Variants in SUZ12 observed in about 807,000 individuals in gnomAD.
SUZ12 encodes the protein SUZ12 polycomb repressive complex 2 subunit, also known as polycomb protein SUZ12.
Under a neutral mutation model 87.3 loss-of-function variants are expected in SUZ12, and 17 were observed. The ratio of observed to expected loss-of-function variants is 0.19; its 90% CI spans 0.13 to 0.29. SUZ12 has a LOEUF of 0.29. SUZ12 is among the 10% of genes least tolerant of loss of function. The probability of loss-of-function intolerance (pLI) is 1.00; values close to 1 mark genes in which losing one functional copy is unlikely to be tolerated. For synonymous variants in SUZ12, 253 were observed against 312.4 expected, an observed-to-expected ratio of 0.81 and a Z score of 2.01; for missense variants, 526 against 912.2, an observed-to-expected ratio of 0.58 and a Z score of 5.45.
At chr17:31,961,692 T>A (rs9906490) in intron 4 of SUZ12, among the ~76,000 whole-genome samples, 7,449 of 152,296 alleles carry the variant, frequency 0.049, 588 homozygotes, top group African/African-American at 0.17. Flanking sequence ...AGTCTCAATT[T>A]CTTGAGTTGT....
At chr17:31,959,532 G>A (rs1907572234) in intron 4 of SUZ12, among the ~76,000 whole-genome samples, 1 of 152,140 alleles carries the variant, frequency 6.6e-6, no homozygotes, top group South Asian at 2.1e-4. Context: ...ACATATCATA[G>A]GATGAAATGT....
chr17:31,962,872 A>G (rs1286192455), intron 4 of SUZ12, among the ~76,000 whole-genome samples: 1 of 152,208 alleles, frequency 6.6e-6, no homozygotes, highest in South Asian at 2.1e-4. Context: ...TGGTCTTAGT[A>G]TGTAGTTTTA....
Position 32,000,630 on chromosome 17 carries a change from T to C in SUZ12, c.*1627T>C, listed in dbSNP as rs1910207881. ...TTAATTTGCTAAAGCTGTGCACATA[T>C]GTAAAAAAAAAAAAAAAAAGATTAT... On this transcript the variant is annotated 3_prime_UTR_variant, in exon 16 of 16. Coordinates refer to ENST00000322652, the MANE Select transcript of SUZ12 (RefSeq NM_015355.4). 4.5e-6 allele frequency: 1 copy of C among 223,774 alleles called. No individual in the cohort carries two copies. Among genetic ancestry groups the C allele is most frequent in the Non-Finnish European group, 8.7e-6 (1 of 115,602 alleles). The allele number at this position is 223,774 out of a possible 1,614,324, so 13.9% of individuals were successfully genotyped here.
chr17:31,956,304 T>C (rs1015648651), intron 4 of SUZ12, among the ~76,000 whole-genome samples: 8 of 151,448 alleles, frequency 5.3e-5, no homozygotes, highest in South Asian at 4.2e-4. Flanking sequence ...AGCAATTTTC[T>C]TGCCTCAGCC....
intron 15 of SUZ12, 105 bp downstream of exon 15, chr17:31,996,982 C>T (rs753359595): frequency 6.4e-6 from 5 of 785,828 alleles, no homozygotes; most frequent in Non-Finnish European, 8.9e-6. Context: ...TTTAAAATTC[C>T]ATTAATGTAT....
intron 3 of SUZ12, 71 bp from the exon 4 acceptor site, chr17:31,947,546 T>G (rs1373216986): frequency 5.9e-6 from 9 of 1,528,016 alleles, no homozygotes; most frequent in Non-Finnish European, 6.2e-6. Flanking sequence ...CCTATTAGAG[T>G]GACAATAAAG....
At chr17:31,951,775 CTT>C (rs61047916) in intron 4 of SUZ12, among the ~76,000 whole-genome samples, 1,233 of 114,234 alleles carry the variant, frequency 0.011, 21 homozygotes, top group African/African-American at 0.038. Flanking sequence ...CGCGCCCAGC[CTT>C]TTTTTTTTTT....
chr17:31,961,728 C>A (rs1456907329), intron 4 of SUZ12, among the ~76,000 whole-genome samples: 3 of 152,094 alleles, frequency 2.0e-5, no homozygotes, highest in Non-Finnish European at 2.9e-5. Flanking sequence ...TTCTTAATGA[C>A]CTCAGTTTGT....
intron 10 of SUZ12, among the ~76,000 whole-genome samples, chr17:31,988,961 A>T (rs1373753232): frequency 1.3e-5 from 2 of 151,630 alleles, no homozygotes; most frequent in Non-Finnish European, 2.9e-5. Context: ...AGTCCCAGCT[A>T]CTTGGGAGGC....
chr17:31,939,818 G>A (rs1008722079), intron 1 of SUZ12, among the ~76,000 whole-genome samples: 2 of 152,110 alleles, frequency 1.3e-5, no homozygotes, highest in Non-Finnish European at 2.9e-5. Context: ...GAGCCACTGC[G>A]CCTGGCCGGC....
At chr17:31,955,944 C>T (rs1211262521) in intron 4 of SUZ12, among the ~76,000 whole-genome samples, 1 of 151,742 alleles carries the variant, frequency 6.6e-6, no homozygotes, top group Non-Finnish European at 1.5e-5. Flanking sequence ...TGGAGTCTCG[C>T]TCTGTCGCCC....
At chr17:31,981,212 G>A (rs867750012) in intron 8 of SUZ12, among the ~76,000 whole-genome samples, 7 of 152,160 alleles carry the variant, frequency 4.6e-5, no homozygotes, top group African/African-American at 1.7e-4. Context: ...TTGTCTTTCA[G>A]GTAGATGTCT....
At chr17:31,984,476 A>G (rs1909294980) in intron 9 of SUZ12, among the ~76,000 whole-genome samples, 2 of 152,200 alleles carry the variant, frequency 1.3e-5, no homozygotes, top group Admixed American at 1.3e-4. Flanking sequence ...GATGATTGAA[A>G]AGTAAGAAAG....
chr17:31,951,436 G>A (rs992400368), intron 4 of SUZ12, among the ~76,000 whole-genome samples: 1 of 151,832 alleles, frequency 6.6e-6, no homozygotes, highest in Non-Finnish European at 1.5e-5. Context: ...ACTTGTTGGT[G>A]GAAGGAGGTG....
At chr17:31,995,067 G>T (rs1046085237) in intron 13 of SUZ12, among the ~76,000 whole-genome samples, 1 of 152,192 alleles carries the variant, frequency 6.6e-6, no homozygotes, top group Non-Finnish European at 1.5e-5. Context: ...TTGCACTCCG[G>T]CCTGGGCAAC....
intron 4 of SUZ12, among the ~76,000 whole-genome samples, chr17:31,951,801 G>A (rs1907001876): frequency 7.0e-6 from 1 of 143,784 alleles, no homozygotes; most frequent in Non-Finnish European, 1.5e-5. Context: ...TTGAGACAGA[G>A]TCTCACATTG....
At chr17:31,979,103 C>CAAAAAAAAAAAA (rs61307349) in intron 8 of SUZ12, among the ~76,000 whole-genome samples, 4 of 65,260 alleles carry the variant, frequency 6.1e-5, no homozygotes, top group African/African-American at 1.8e-4. Flanking sequence ...ACTGTGTCTC[C>CAAAAAAAAAAAA]AAAAAAAAAA....
At chr17:31,984,831 C>T (rs1251792273) in intron 9 of SUZ12, among the ~76,000 whole-genome samples, 1 of 152,132 alleles carries the variant, frequency 6.6e-6, no homozygotes, top group Non-Finnish European at 1.5e-5. Flanking sequence ...GACGTGAGGA[C>T]ACATATACTC....
chr17:31,995,571 C>T lies in SUZ12; in HGVS notation c.1603C>T (p.Arg535Ter). 1 of 1,613,754 alleles carries T rather than the reference C, an allele frequency of 6.2e-7. No homozygotes were observed. The highest frequency in any genetic ancestry group is 8.5e-7 in the Non-Finnish European group (1 of 1,179,894). The change falls in exon 14 of 16, where the codon CGA becomes TGA. Residue 535 changes from arginine to a stop codon, truncating the protein, a stop_gained. Coordinates refer to ENST00000322652, the MANE Select transcript of SUZ12 (RefSeq NM_015355.4). LOFTEE classifies it high-confidence loss of function. ...ITHILVCRPK[R>*]TKASMSEFLE... ...TTTATTTCTTTTCATTAGGCCAAAACGAACAAAAGCAAGCATGTCTGAATT... is the reference window on the plus strand; with the variant it reads ...TTTATTTCTTTTCATTAGGCCAAAATGAACAAAAGCAAGCATGTCTGAATT...
Sources: gnomAD v4.1 joint callset for allele counts (sites outside exome capture counted in the v4.1 genomes callset) on GRCh38, gnomAD v4.1.1 for gene constraint, MANE v1.5 for transcripts, NCBI Gene and HGNC (gene_info 2026-07-23, HGNC 2026-07-21) for gene names.